The following PCNX2 variants were observed in gnomAD, a reference collection of about 807,000 sequenced individuals.
PCNX2 encodes the protein pecanex-like protein 2.
PCNX2 carries 168 observed loss-of-function variants against 223.8 expected under a neutral mutation model. That is an observed-to-expected ratio of 0.75 (90% CI 0.66 to 0.85). PCNX2 has a LOEUF of 0.85. Ranked by LOEUF, PCNX2 falls within the 40% of genes least tolerant of loss-of-function variation. PCNX2 has a pLI of 0.00. For synonymous variants in PCNX2, 1,006 were observed against 1,052.6 expected (o/e 0.96, Z 0.86); for missense variants, 2,507 against 2,675.5 (o/e 0.94, Z 1.39).
chr1:233,006,798 G>C (rs1670300669), intron 28 of PCNX2, among the ~76,000 whole-genome samples: 1 of 152,116 alleles, frequency 6.6e-6, no homozygotes. Flanking sequence ...GCCATAAATG[G>C]AACGCTTGTA....
intron 23 of PCNX2, among the ~76,000 whole-genome samples, chr1:233,067,479 TA>T (rs2102896696): frequency 7.0e-6 from 1 of 143,448 alleles, no homozygotes; most frequent in South Asian, 2.3e-4. Context: ...ATACAGTAAC[TA>T]ATTTTTTTTT....
At chr1:233,114,018 A>G (rs1195424799) in intron 21 of PCNX2, among the ~76,000 whole-genome samples, 1 of 152,262 alleles carries the variant, frequency 6.6e-6, no homozygotes, top group African/African-American at 2.4e-5. Flanking sequence ...ACCAAAAGAG[A>G]CAAAGATCTT....
chr1:233,115,239 C>G (rs931091711), intron 21 of PCNX2, among the ~76,000 whole-genome samples: 1 of 151,860 alleles, frequency 6.6e-6, no homozygotes, highest in Admixed American at 6.6e-5. Context: ...CCCGGAGACA[C>G]AGGCCCAATT....
chr1:233,325,468 C>G, the PCNX2 span, among the ~76,000 whole-genome samples: 7 of 144,234 alleles, frequency 4.9e-5, no homozygotes, highest in African/African-American at 1.6e-4. Context: ...ACCATCCTGG[C>G]TAACACAGTG....
intron 17 of PCNX2, among the ~76,000 whole-genome samples, chr1:233,166,943 A>T (rs1350252560): frequency 6.6e-6 from 1 of 152,094 alleles, no homozygotes; most frequent in Admixed American, 6.6e-5. Flanking sequence ...CAAGTTCAAG[A>T]CCAGCCTGGG....
intron 23 of PCNX2, among the ~76,000 whole-genome samples, chr1:233,074,452 G>A (rs374450441): frequency 1.8e-4 from 27 of 151,706 alleles, no homozygotes; most frequent in East Asian, 9.7e-4. Flanking sequence ...AAAATTAGCT[G>A]GGCGTAGTGG....
At chr1:233,257,016 T>C (rs1270862764) in intron 5 of PCNX2, among the ~76,000 whole-genome samples, 2 of 152,170 alleles carry the variant, frequency 1.3e-5, no homozygotes, top group African/African-American at 2.4e-5. Flanking sequence ...TACAGATCTA[T>C]GTAGAAATGA....
intron 8 of PCNX2, among the ~76,000 whole-genome samples, chr1:233,250,032 T>C (rs1267286544): frequency 6.6e-6 from 1 of 152,090 alleles, no homozygotes; most frequent in East Asian, 1.9e-4. Flanking sequence ...ACCGGGAAAG[T>C]CTCCCATAAA....
intron 1 of PCNX2, among the ~76,000 whole-genome samples, chr1:233,265,426 A>G (rs1054795109): frequency 6.6e-6 from 1 of 152,130 alleles, no homozygotes; most frequent in African/African-American, 2.4e-5. Context: ...CTTTTGCCCA[A>G]TGGACAATGA....
rs60666464 is a variant in PCNX2, at chr1:233,218,564, TA to T, written c.2505-381del. Among the ~76,000 whole-genome samples, 403 of 152,282 alleles carry T rather than the reference TA, an allele frequency of 2.6e-3. 5 individuals are homozygous for T. The highest frequency in any genetic ancestry group is 9.3e-3 in the African/African-American group (386 of 41,564). On this transcript the variant is annotated intron_variant, in intron 10 of 33. Coordinates refer to ENST00000258229, the MANE Select transcript of PCNX2 (RefSeq NM_014801.4). ...CGTGCCCAGCCAGTTTTGCCATTTT[TA>T]AACAGAATGCCTTCATGTTTCCAAA...
intron 23 of PCNX2, 127 bp from the exon 24 acceptor site, chr1:233,057,417 C>T (rs775941873): frequency 8.2e-6 from 6 of 729,076 alleles, no homozygotes; most frequent in South Asian, 1.6e-5. Flanking sequence ...AAGACGATTG[C>T]TGTAGTTTTA....
At position 233,002,435 on chromosome 1, in the gene PCNX2, A is replaced by T. The variant is rs985686731; in HGVS notation, c.4953-754T>A. On this transcript the variant is annotated intron_variant, in intron 28 of 33. Coordinates refer to ENST00000258229, the MANE Select transcript of PCNX2 (RefSeq NM_014801.4). Reference sequence around the variant, plus strand: ...CTACAAAGAGAATAAAATACCTAGGAATACAACTTACAAGGGATGTGAAGG... The same window carrying T: ...CTACAAAGAGAATAAAATACCTAGGTATACAACTTACAAGGGATGTGAAGG... 1.3e-4 allele frequency among the ~76,000 whole-genome samples: 20 copies of T among 152,322 alleles called. No individual in the cohort carries two copies. In the South Asian group the frequency reaches 4.1e-3, roughly 32 times the overall value.
the PCNX2 span, among the ~76,000 whole-genome samples, chr1:233,304,299 T>C: frequency 6.6e-6 from 1 of 152,134 alleles, no homozygotes; most frequent in Non-Finnish European, 1.5e-5. Flanking sequence ...TTATTTATAA[T>C]GATATGAGGA....
At chr1:233,267,533 C>A (rs1660404944) in intron 1 of PCNX2, among the ~76,000 whole-genome samples, 1 of 151,516 alleles carries the variant, frequency 6.6e-6, no homozygotes, top group Admixed American at 6.6e-5. Context: ...CTCCCCACCC[C>A]CCATCCCCTG....
intron 24 of PCNX2, among the ~76,000 whole-genome samples, chr1:233,055,622 C>A (rs6424272): frequency 0.36 from 54,489 of 151,924 alleles, 13,014 homozygotes; most frequent in African/African-American, 0.69. Context: ...GAAGCCTAGG[C>A]AAAATGTTCA....
intron 26 of PCNX2, among the ~76,000 whole-genome samples, chr1:233,022,460 C>G (rs1038144402): frequency 2.0e-5 from 3 of 152,056 alleles, no homozygotes; most frequent in African/African-American, 7.2e-5. Flanking sequence ...TGAGGAAGAG[C>G]TGTTGAGACT....
At chr1:233,256,169 T>C (rs749492691) in intron 5 of PCNX2, among the ~76,000 whole-genome samples, 3 of 152,170 alleles carry the variant, frequency 2.0e-5, no homozygotes, top group Non-Finnish European at 2.9e-5. Flanking sequence ...TGATTGAATG[T>C]GGCTGGCTGA....
At chr1:233,251,154 G>C (rs774718131) in intron 7 of PCNX2, among the ~76,000 whole-genome samples, 7 of 152,016 alleles carry the variant, frequency 4.6e-5, no homozygotes, top group African/African-American at 1.5e-4. Flanking sequence ...CTTTACATAC[G>C]TTCTCTTCAT....
intron 21 of PCNX2, among the ~76,000 whole-genome samples, chr1:233,108,009 G>T (rs1363455228): frequency 6.6e-6 from 1 of 152,138 alleles, no homozygotes; most frequent in Non-Finnish European, 1.5e-5. Context: ...CACCAGCGCC[G>T]TGACAGTTTA....
Sources: gnomAD v4.1 joint callset for allele counts (sites outside exome capture counted in the v4.1 genomes callset) on GRCh38, gnomAD v4.1.1 for gene constraint, MANE v1.5 for transcripts, NCBI Gene and HGNC (gene_info 2026-07-23, HGNC 2026-07-21) for gene names.